Variants in COL4A1 observed in about 807,000 individuals in gnomAD.
COL4A1 encodes the protein collagen alpha-1(IV) chain.
A neutral mutation model predicts 216.6 loss-of-function variants in COL4A1; 40 were observed. That is an observed-to-expected ratio of 0.18 (90% CI 0.14 to 0.24). The LOEUF (loss-of-function observed/expected upper bound fraction) is 0.24, where lower values mean the gene tolerates loss of function less well. Ranked by LOEUF, COL4A1 falls within the 10% of genes least tolerant of loss-of-function variation. The pLI is 1.00. For missense variants in COL4A1, 1,628 were observed against 2,196.8 expected (o/e 0.74, Z 5.18); for synonymous variants, 839 against 810.7 (o/e 1.03, Z -0.59).
At chr13:110,275,743 C>G (rs1883403640) in intron 1 of COL4A1, among the ~76,000 whole-genome samples, 1 of 152,166 alleles carries the variant, frequency 6.6e-6, no homozygotes, top group African/African-American at 2.4e-5. Context: ...AAGACGTGAA[C>G]AGACATGGAG....
intron 2 of COL4A1, among the ~76,000 whole-genome samples, chr13:110,229,116 C>T (rs910739598): frequency 5.9e-5 from 9 of 152,142 alleles, no homozygotes; most frequent in East Asian, 3.8e-4. Flanking sequence ...AATACATCAC[C>T]GAAAACATAG....
At chr13:110,197,959 A>G (rs951049686) in intron 21 of COL4A1, among the ~76,000 whole-genome samples, 1 of 152,172 alleles carries the variant, frequency 6.6e-6, no homozygotes, top group African/African-American at 2.4e-5. Flanking sequence ...CCACACGGCC[A>G]TCTTAATTGA....
intron 1 of COL4A1, among the ~76,000 whole-genome samples, chr13:110,245,683 T>G (rs1881771552): frequency 6.6e-6 from 1 of 152,236 alleles, no homozygotes; most frequent in African/African-American, 2.4e-5. Context: ...TTCCTGGAAC[T>G]GGGCCCTTAA....
chr13:110,217,105 C>T (rs923728223), intron 2 of COL4A1, among the ~76,000 whole-genome samples: 1 of 152,146 alleles, frequency 6.6e-6, no homozygotes, highest in Non-Finnish European at 1.5e-5. Context: ...GATAAAAGTG[C>T]ACACGAATAA....
chr13:110,214,573 C>A (rs550692602), intron 2 of COL4A1, among the ~76,000 whole-genome samples: 2 of 152,166 alleles, frequency 1.3e-5, no homozygotes, highest in East Asian at 3.9e-4. Context: ...TAGTTGAGGC[C>A]CGGATAGAAC....
chr13:110,195,142 T>C, intron 21 of COL4A1, 24 bp from the exon 22 acceptor site: 3 of 1,598,978 alleles, frequency 1.9e-6, no homozygotes, highest in Non-Finnish European at 2.6e-6. Context: ...GTCAGAGTTA[T>C]AGGATCATAG....
chr13:110,165,242 G>A (rs1877281473), intron 45 of COL4A1, among the ~76,000 whole-genome samples: 2 of 152,062 alleles, frequency 1.3e-5, no homozygotes, highest in Non-Finnish European at 2.9e-5. Flanking sequence ...CTGCATTCTG[G>A]GCTCTGGGAC....
At chr13:110,199,988 G>A (rs762212522) in intron 20 of COL4A1, among the ~76,000 whole-genome samples, 5 of 152,094 alleles carry the variant, frequency 3.3e-5, no homozygotes, top group East Asian at 1.9e-4. Flanking sequence ...GTGGGGTGTC[G>A]TCTGTTCCCA....
intron 1 of COL4A1, among the ~76,000 whole-genome samples, chr13:110,291,595 A>G (rs1884091671): frequency 6.6e-6 from 1 of 152,210 alleles, no homozygotes; most frequent in Admixed American, 6.5e-5. Flanking sequence ...CCCCATGTCA[A>G]GTGCTGAAAA....
chr13:110,230,876 T>C (rs989532866), intron 2 of COL4A1, among the ~76,000 whole-genome samples: 1 of 152,206 alleles, frequency 6.6e-6, no homozygotes, highest in Non-Finnish European at 1.5e-5. Flanking sequence ...GGGCTCCTGA[T>C]GTGTGGTCCA....
intron 1 of COL4A1, among the ~76,000 whole-genome samples, chr13:110,258,405 T>C (rs771501167): frequency 9.2e-5 from 14 of 152,140 alleles, no homozygotes; most frequent in Non-Finnish European, 1.5e-4. Flanking sequence ...CCAGGCGTGG[T>C]GGCGCACGCC....
At chr13:110,270,221 T>C (rs1314478404) in intron 1 of COL4A1, among the ~76,000 whole-genome samples, 1 of 152,232 alleles carries the variant, frequency 6.6e-6, no homozygotes, top group Non-Finnish European at 1.5e-5. Flanking sequence ...CCTGTGTTCA[T>C]CCTACCATAC....
intron 37 of COL4A1, 31 bp from the exon 38 acceptor site, chr13:110,174,780 A>C: frequency 2.5e-6 from 4 of 1,606,958 alleles, no homozygotes; most frequent in Non-Finnish European, 3.4e-6. Flanking sequence ...TATTAACTTT[A>C]CATTTGTCCA....
chr13:110,210,537 TG>T (rs1879743976), intron 8 of COL4A1, among the ~76,000 whole-genome samples: 1 of 152,160 alleles, frequency 6.6e-6, no homozygotes. Context: ...GAAAGACTAC[TG>T]CGTGACCACA....
At chr13:110,226,184 A>T (rs1355433148) in intron 2 of COL4A1, among the ~76,000 whole-genome samples, 1 of 152,216 alleles carries the variant, frequency 6.6e-6, no homozygotes, top group Non-Finnish European at 1.5e-5. Flanking sequence ...AGACAGACAT[A>T]AGAAAATTGG....
At position 110,205,393 on chromosome 13, in the gene COL4A1, T is replaced by C. The variant is rs1195266180; in HGVS notation, c.917A>G (p.Glu306Gly). The C allele has an allele frequency of 6.2e-7, 1 of 1,614,086 alleles. No homozygotes were observed. The highest frequency in any genetic ancestry group is 1.1e-5 in the South Asian group (1 of 91,076). ...GEKGSPGFPG[E>G]PGYPGLIGRQ... Reference sequence around the variant, plus strand: ...GCCTATGAGTCCTGGGTACCCGGGTTCACCAGGAAAACCCTGAAACCGAAG... The same window carrying C: ...GCCTATGAGTCCTGGGTACCCGGGTCCACCAGGAAAACCCTGAAACCGAAG... The change falls in exon 17 of 52, where the codon GAA becomes GGA. Residue 306 changes from glutamate (E) to glycine (G), a missense_variant. Physicochemically the swap from Glu to Gly is moderately conservative, Grantham distance 98. Transcript: ENST00000375820.
intron 36 of COL4A1, 66 bp downstream of exon 36, chr13:110,176,358 T>C (rs2120881): frequency 4.6e-6 from 5 of 1,082,130 alleles, no homozygotes; most frequent in African/African-American, 3.1e-5. Flanking sequence ...GATCTCATTC[T>C]GCAGACATGC....
intron 19 of COL4A1, 30 bp downstream of exon 19, chr13:110,201,408 G>T (rs371504562): frequency 7.2e-7 from 1 of 1,386,652 alleles, no homozygotes; most frequent in Non-Finnish European, 9.8e-7. Flanking sequence ...GGGGGAGTAG[G>T]AGGAGGGGGG....
At chr13:110,175,734 C>T (rs765035163) in intron 36 of COL4A1, among the ~76,000 whole-genome samples, 43 of 152,218 alleles carry the variant, frequency 2.8e-4, no homozygotes, top group Non-Finnish European at 2.6e-4. Context: ...GACTATGAGG[C>T]GGGCAGGCCG....
Sources: gnomAD v4.1 joint callset for allele counts (sites outside exome capture counted in the v4.1 genomes callset) on GRCh38, gnomAD v4.1.1 for gene constraint, MANE v1.5 for transcripts, NCBI Gene and HGNC (gene_info 2026-07-23, HGNC 2026-07-21) for gene names.